Variants in TDRD12 observed in about 807,000 individuals in gnomAD.
The protein encoded by TDRD12 is tudor domain containing 12.
Under a neutral mutation model 133.5 loss-of-function variants are expected in TDRD12, and 158 were observed. The ratio of observed to expected loss-of-function variants is 1.18; its 90% confidence interval spans 1.04 to 1.35. The LOEUF is 1.35. TDRD12 is among the 40% of genes most tolerant of loss of function. TDRD12 has a pLI of 0.00. For synonymous variants in TDRD12, 460 were observed against 477.9 expected, an observed-to-expected ratio of 0.96 and a Z score of 0.49; for missense variants, 1,443 against 1,321.3, an observed-to-expected ratio of 1.09 and a Z score of -1.43.
chr19:32,790,775 G>GT, intron 12 of TDRD12, 184 bp downstream of exon 12: 1 of 1,499,642 alleles, frequency 6.7e-7, no homozygotes, highest in Non-Finnish European at 8.9e-7. Flanking sequence ...ATTGTTCCTT[G>GT]TTTTTTGGAT....
chr19:32,721,247 A>G (rs1334464384), intron 1 of TDRD12, among the ~76,000 whole-genome samples: 1 of 152,162 alleles, frequency 6.6e-6, no homozygotes, highest in Non-Finnish European at 1.5e-5. Flanking sequence ...TGCTGGAGGA[A>G]GGAGTTGACA....
At chr19:32,725,067 T>C (rs759383686) in intron 1 of TDRD12, among the ~76,000 whole-genome samples, 2 of 152,104 alleles carry the variant, frequency 1.3e-5, no homozygotes, top group Admixed American at 6.6e-5. Flanking sequence ...GGGGTTTTTT[T>C]CTTGTAAATT....
downstream of TDRD12, among the ~76,000 whole-genome samples, chr19:32,821,454 C>T (rs745949657): frequency 6.6e-5 from 10 of 151,776 alleles, no homozygotes; most frequent in Non-Finnish European, 1.2e-4. Flanking sequence ...ATTTCCAGGA[C>T]CCCAGCAGTC....
In TDRD12 at chr19:32,790,953, C is replaced by T. The variant is rs1971052256; in HGVS notation, c.1183-11C>T. 3 of 1,534,754 alleles carry T rather than the reference C, an allele frequency of 2.0e-6. No homozygotes were observed. Among genetic ancestry groups the T allele is most frequent in the Non-Finnish European group, 1.7e-6 (2 of 1,146,600 alleles). Reference sequence around the variant, plus strand: ...GCAGACACTGGTTGTCTAATGCACACGTTCTCTCAGTTGCAGAAGCTGAAG... The same window carrying T: ...GCAGACACTGGTTGTCTAATGCACATGTTCTCTCAGTTGCAGAAGCTGAAG... On this transcript the variant is annotated splice_polypyrimidine_tract_variant and intron_variant, in intron 12 of 27. Coordinates refer to ENST00000444215, the Ensembl canonical transcript of TDRD12.
intron 11 of TDRD12, among the ~76,000 whole-genome samples, chr19:32,781,179 A>G (rs1215835936): frequency 6.6e-6 from 1 of 151,816 alleles, no homozygotes; most frequent in Admixed American, 6.6e-5. Flanking sequence ...TCCTGACCTC[A>G]AGATCTGCCT....
At chr19:32,735,892 C>T (rs960109255) in intron 2 of TDRD12, among the ~76,000 whole-genome samples, 21 of 152,264 alleles carry the variant, frequency 1.4e-4, no homozygotes, top group Admixed American at 2.0e-4. Context: ...ATTGCTTGAA[C>T]CCGGGAGGTG....
At chr19:32,720,172 AC>A (rs1422299028) in intron 1 of TDRD12, 76 bp downstream of exon 1, 1 of 1,104,520 alleles carries the variant, frequency 9.1e-7, no homozygotes. Flanking sequence ...ACAGCCTCCC[AC>A]CCCCACCCCA....
chr19:32,735,712 G>A (rs1371373910), intron 2 of TDRD12, among the ~76,000 whole-genome samples: 1 of 152,216 alleles, frequency 6.6e-6, no homozygotes, highest in African/African-American at 2.4e-5. Flanking sequence ...GCTCACACCT[G>A]TAATCCCAGC....
intron 27 of TDRD12, among the ~76,000 whole-genome samples, chr19:32,819,625 C>T (rs1375600902): frequency 2.0e-5 from 3 of 152,152 alleles, no homozygotes; most frequent in African/African-American, 4.8e-5. Context: ...TTAACATACC[C>T]GTGGTCACGA....
At chr19:32,822,518 C>A (rs549172087), downstream of TDRD12, among the ~76,000 whole-genome samples, 1 of 152,146 alleles carries the variant, frequency 6.6e-6, no homozygotes, top group Non-Finnish European at 1.5e-5. Flanking sequence ...GAGGCCAGGA[C>A]GGGCAGATCG....
At chr19:32,786,142 C>T (rs1970902448) in intron 11 of TDRD12, among the ~76,000 whole-genome samples, 1 of 152,164 alleles carries the variant, frequency 6.6e-6, no homozygotes, top group African/African-American at 2.4e-5. Context: ...CAAAATCTCT[C>T]AGCATTTGTT....
intron 15 of TDRD12, among the ~76,000 whole-genome samples, 161 bp downstream of exon 15, chr19:32,798,052 C>T (rs1474257345): frequency 6.6e-6 from 1 of 152,210 alleles, no homozygotes; most frequent in Non-Finnish European, 1.5e-5. Flanking sequence ...CAGCTCCCGA[C>T]GGTTTTGATT....
intron 27 of TDRD12, among the ~76,000 whole-genome samples, chr19:32,818,625 A>G (rs1967270250): frequency 6.6e-6 from 1 of 152,188 alleles, no homozygotes. Flanking sequence ...GGCAGCCTGC[A>G]TCTGTGGCAA....
At chr19:32,768,617 C>T (rs8104164) in intron 8 of TDRD12, among the ~76,000 whole-genome samples, 350 of 151,972 alleles carry the variant, frequency 2.3e-3, no homozygotes, top group African/African-American at 7.4e-3. Flanking sequence ...TTGCCCGCCT[C>T]GGCCTTCCAA....
At chr19:32,776,187 C>A (rs952206766) in intron 10 of TDRD12, among the ~76,000 whole-genome samples, 3 of 152,176 alleles carry the variant, frequency 2.0e-5, no homozygotes, top group Non-Finnish European at 4.4e-5. Context: ...TTCCTCTGGC[C>A]AGATAGTTTC....
chr19:32,826,088 T>C, downstream of TDRD12: 4 of 1,535,546 alleles, frequency 2.6e-6, no homozygotes, highest in Non-Finnish European at 2.6e-6. Context: ...ATGACCTTGA[T>C]TTTGTGCAGA....
At chr19:32,727,190 A>G (rs892990952) in intron 1 of TDRD12, among the ~76,000 whole-genome samples, 1 of 152,136 alleles carries the variant, frequency 6.6e-6, no homozygotes, top group Non-Finnish European at 1.5e-5. Context: ...GTATCTCACT[A>G]TGGTTATGAT....
At chr19:32,772,825 G>T in exon 9 of TDRD12, 1 of 1,503,828 alleles carries the variant, frequency 6.6e-7, no homozygotes, top group South Asian at 1.3e-5. Flanking sequence ...AAACACCATT[G>T]CATCTCTTTA....
intron 11 of TDRD12, among the ~76,000 whole-genome samples, chr19:32,781,780 T>A (rs989498014): frequency 5.9e-5 from 9 of 151,758 alleles, no homozygotes; most frequent in Non-Finnish European, 1.3e-4. Context: ...CTTGGTGTGG[T>A]TCTATTATTA....
Sources: allele counts gnomAD v4.1 joint callset (sites outside exome capture counted in the v4.1 genomes callset), GRCh38; gene constraint gnomAD v4.1.1; transcripts MANE v1.5; gene names NCBI Gene and HGNC (gene_info 2026-07-23, HGNC 2026-07-21).